SEMA6A: variants seen among roughly 807,000 people sequenced by gnomAD.
The protein encoded by SEMA6A is semaphorin-6A.
SEMA6A carries 25 observed loss-of-function variants against 96.8 expected under a neutral mutation model. That is an observed-to-expected ratio of 0.26 (90% CI 0.19 to 0.36). The LOEUF is 0.36. Among genes scored for constraint, SEMA6A ranks in the 10% least tolerant of loss-of-function variants. SEMA6A has a pLI of 1.00. For missense variants in SEMA6A, 1,363 were observed against 1,323.1 expected, an observed-to-expected ratio of 1.03 and a Z score of -0.47; for synonymous variants, 612 against 518.0, an observed-to-expected ratio of 1.18 and a Z score of -2.46.
intron 18 of SEMA6A, among the ~76,000 whole-genome samples, chr5:116,463,612 T>G (rs1188491970): frequency 2.0e-5 from 3 of 152,366 alleles, no homozygotes; most frequent in Middle Eastern, 3.4e-3. Flanking sequence ...ATTCTGTTTC[T>G]GTAATACATC....
chr5:116,535,656 C>G (rs912564477), intron 1 of SEMA6A, among the ~76,000 whole-genome samples: 2 of 152,156 alleles, frequency 1.3e-5, no homozygotes, highest in Non-Finnish European at 2.9e-5. Flanking sequence ...CAGGCTAAGA[C>G]TGAGCTGAGG....
intron 18 of SEMA6A, among the ~76,000 whole-genome samples, chr5:116,450,023 T>C (rs1217289059): frequency 6.6e-6 from 1 of 152,248 alleles, no homozygotes; most frequent in Non-Finnish European, 1.5e-5. Context: ...GGAAATGTGC[T>C]AATGAAAATT....
At chr5:116,559,616 G>T (rs1354038377) in intron 1 of SEMA6A, among the ~76,000 whole-genome samples, 1 of 152,206 alleles carries the variant, frequency 6.6e-6, no homozygotes, top group Non-Finnish European at 1.5e-5. Flanking sequence ...GCAACTAGGT[G>T]TTGGACTTTG....
rs1561483202 is a variant in SEMA6A, at chr5:116,477,879, C to A, written c.1616G>T (p.Gly539Val). The change falls in exon 15 of 19, where the codon GGT (glycine) becomes GTT (valine). Residue 539 changes from glycine to valine, a missense_variant. By Grantham distance (109) the Gly-to-Val change is moderately radical. Coordinates refer to ENST00000343348, the MANE Select transcript of SEMA6A (RefSeq NM_020796.5). Reference protein sequence around the residue: ...RDPYCGWIKEGGACSHLSPNS... With the variant: ...RDPYCGWIKEVGACSHLSPNS... ...GGGTGATAAATGGCTGCAGGCACCA[C>A]CTTCCTTTATCCATCCACAATATGG... The A allele has an allele frequency of 1.2e-6, 2 of 1,613,874 alleles. No homozygotes were observed. Among genetic ancestry groups the A allele is most frequent in the Non-Finnish European group, 1.7e-6 (2 of 1,179,878 alleles).
intron 18 of SEMA6A, among the ~76,000 whole-genome samples, chr5:116,459,162 C>T (rs554578523): frequency 1.3e-3 from 201 of 152,284 alleles, no homozygotes; most frequent in African/African-American, 4.6e-3. Flanking sequence ...GTTTGGAGTT[C>T]AGCTTGCCTG....
chr5:116,456,949 GTTC>G (rs750568131), intron 18 of SEMA6A, among the ~76,000 whole-genome samples: 1 of 152,126 alleles, frequency 6.6e-6, no homozygotes, highest in Non-Finnish European at 1.5e-5. Context: ...ACTCACGAAG[GTTC>G]TTCTCCTTTA....
intron 18 of SEMA6A, among the ~76,000 whole-genome samples, chr5:116,466,378 C>CA (rs536164347): frequency 0.1 from 6,341 of 63,526 alleles, 288 homozygotes; most frequent in African/African-American, 0.21. Flanking sequence ...GACTCCATCT[C>CA]AAAAAAAAAA....
intron 18 of SEMA6A, among the ~76,000 whole-genome samples, chr5:116,463,606 T>G (rs1755549289): frequency 1.3e-5 from 2 of 152,246 alleles, no homozygotes; most frequent in Admixed American, 1.3e-4. Context: ...ATTTAAATTC[T>G]GTTTCTGTAA....
intron 1 of SEMA6A, among the ~76,000 whole-genome samples, chr5:116,566,547 A>C (rs1304777918): frequency 6.6e-6 from 1 of 152,210 alleles, no homozygotes; most frequent in Non-Finnish European, 1.5e-5. Flanking sequence ...GAGTTTGAGA[A>C]CATTTTATTT....
intron 16 of SEMA6A, among the ~76,000 whole-genome samples, chr5:116,474,674 A>G (rs1756362848): frequency 6.6e-6 from 1 of 152,210 alleles, no homozygotes; most frequent in African/African-American, 2.4e-5. Flanking sequence ...AAAGATTTAG[A>G]GTTATGTCCG....
intron 9 of SEMA6A, 121 bp downstream of exon 9, chr5:116,487,987 G>C: frequency 1.7e-6 from 1 of 604,352 alleles, no homozygotes; most frequent in Non-Finnish European, 2.9e-6. Flanking sequence ...AGGGCCTCCA[G>C]ACCGCACTCT....
chr5:116,479,662 A>G (rs1182097074), intron 12 of SEMA6A, among the ~76,000 whole-genome samples: 1 of 152,206 alleles, frequency 6.6e-6, no homozygotes, highest in Non-Finnish European at 1.5e-5. Context: ...CAGTTCAGAA[A>G]AAGAATATTA....
intron 3 of SEMA6A, among the ~76,000 whole-genome samples, chr5:116,501,553 A>G (rs1757880590): frequency 6.6e-6 from 1 of 152,244 alleles, no homozygotes; most frequent in African/African-American, 2.4e-5. Flanking sequence ...ACCTACATTC[A>G]CACTATATAA....
intron 15 of SEMA6A, among the ~76,000 whole-genome samples, 176 bp downstream of exon 15, chr5:116,477,670 T>A (rs573862037): frequency 6.6e-5 from 10 of 152,314 alleles, no homozygotes; most frequent in African/African-American, 2.4e-4. Flanking sequence ...ATCTGCCACA[T>A]GTGATGTGGT....
At chr5:116,493,848 C>T (rs535536293) in intron 6 of SEMA6A, among the ~76,000 whole-genome samples, 3 of 152,120 alleles carry the variant, frequency 2.0e-5, no homozygotes, top group Non-Finnish European at 4.4e-5. Context: ...CTTACTGATC[C>T]ATCTTCTTGC....
At chr5:116,541,302 G>A (rs1561526923) in intron 1 of SEMA6A, among the ~76,000 whole-genome samples, 1 of 152,118 alleles carries the variant, frequency 6.6e-6, no homozygotes, top group African/African-American at 2.4e-5. Context: ...TCAGTTTTCA[G>A]AAACCCTAGA....
chr5:116,447,501 G>A lies in SEMA6A; in HGVS notation c.2205C>T (p.Pro735=), dbSNP rs757966330. ...TAATGAGCATCTTGGCCGTGTTGCC[G>A]GGAGTGGCGAGCTTGCCGTTGTGCA... ...PLMHNGKLAT[P]GNTAKMLIKA... Residue 735 remains proline, a synonymous_variant, in exon 19 of 19, where the codon CCC becomes CCT. Transcript: ENST00000343348. 9.3e-6 allele frequency: 15 copies of A among 1,613,974 alleles called. No individual in the cohort carries two copies. The highest frequency in any genetic ancestry group is 1.6e-4 in the Middle Eastern group (1 of 6,084).
intron 18 of SEMA6A, among the ~76,000 whole-genome samples, chr5:116,451,477 A>G (rs778528429): frequency 3.9e-5 from 6 of 152,222 alleles, no homozygotes; most frequent in East Asian, 3.8e-4. Context: ...CAGGATGCCT[A>G]TAGTTACTGA....
intron 1 of SEMA6A, among the ~76,000 whole-genome samples, chr5:116,549,737 A>G (rs1005348628): frequency 6.6e-6 from 1 of 152,180 alleles, no homozygotes; most frequent in Non-Finnish European, 1.5e-5. Context: ...TCTTTATACA[A>G]AATTCACAAG....
Sources: allele counts gnomAD v4.1 joint callset (sites outside exome capture counted in the v4.1 genomes callset), GRCh38; gene constraint gnomAD v4.1.1; transcripts MANE v1.5; gene names NCBI Gene and HGNC (gene_info 2026-07-23, HGNC 2026-07-21).